Variants in RBPJ observed in about 807,000 individuals in gnomAD.
RBPJ encodes the protein recombination signal binding protein for immunoglobulin kappa J region, also known as recombining binding protein suppressor of hairless.
RBPJ carries 9 observed loss-of-function variants against 67.8 expected under a neutral mutation model. The ratio of observed to expected loss-of-function variants is 0.13; its 90% CI spans 0.08 to 0.23. The LOEUF is 0.23. RBPJ is among the 10% of genes least tolerant of loss of function. The pLI is 1.00. For synonymous variants in RBPJ, 198 were observed against 203.3 expected (o/e 0.97, Z 0.22); for missense variants, 305 against 595.6 (o/e 0.51, Z 5.08).
intron 1 of RBPJ, among the ~76,000 whole-genome samples, chr4:26,294,192 G>T (rs1363109603): frequency 6.6e-6 from 1 of 151,898 alleles, no homozygotes; most frequent in Admixed American, 6.6e-5. Context: ...CTGTCACCCG[G>T]GTTCAAGCAA....
chr4:26,412,364 T>C (rs1373796191), intron 3 of RBPJ, among the ~76,000 whole-genome samples: 1 of 152,058 alleles, frequency 6.6e-6, no homozygotes, highest in African/African-American at 2.4e-5. Flanking sequence ...CCTGAGTAAC[T>C]GGGACTACAG....
At chr4:26,226,522 G>A (rs1719081040) in intron 1 of RBPJ, among the ~76,000 whole-genome samples, 1 of 152,126 alleles carries the variant, frequency 6.6e-6, no homozygotes, top group South Asian at 2.1e-4. Context: ...TGGGGATGGG[G>A]AAGGAATTAG....
chr4:26,257,294 A>G (rs1040467540), intron 1 of RBPJ, among the ~76,000 whole-genome samples: 1 of 152,326 alleles, frequency 6.6e-6, no homozygotes, highest in Non-Finnish European at 1.5e-5. Context: ...CTATCCTATA[A>G]AGTACTATTA....
At chr4:26,237,934 C>T (rs1182752781) in intron 1 of RBPJ, among the ~76,000 whole-genome samples, 1 of 152,124 alleles carries the variant, frequency 6.6e-6, no homozygotes, top group Non-Finnish European at 1.5e-5. Context: ...GCTGATTTTG[C>T]ACTCCTGGCC....
rs1433653222 is a variant in RBPJ at position 26,431,535 on chromosome 4, C to A, written c.*528C>A. 1 of 152,488 alleles carries A rather than the reference C, an allele frequency of 6.6e-6. No homozygotes were observed. Among genetic ancestry groups the A allele is most frequent in the Non-Finnish European group, 1.5e-5 (1 of 68,330 alleles). 9.4% of individuals were successfully genotyped at this position (152,488 alleles called of 1,614,324 possible). A position where few individuals can be genotyped will look rare whatever the true frequency, so the allele number is the denominator to read the frequency against. ...TTTTGCTCTAAAATACATTCAGGTT[C>A]CAAGCCTGACCATCCTTGTTTAATC... is the stretch of plus-strand genomic sequence containing the variant. On this transcript the variant is annotated 3_prime_UTR_variant, in exon 11 of 11. Coordinates refer to ENST00000355476, the MANE Select transcript of RBPJ (RefSeq NM_015874.6).
chr4:26,292,586 A>C (rs1181328753), intron 1 of RBPJ, among the ~76,000 whole-genome samples: 1 of 149,806 alleles, frequency 6.7e-6, no homozygotes, highest in African/African-American at 2.5e-5. Flanking sequence ...GGGCTCAGCT[A>C]ACTTTTGTTA....
At position 26,432,843 on chromosome 4, in the gene RBPJ, T is replaced by C. The variant is rs1195475155; in HGVS notation, c.*1836T>C. Reference sequence around the variant, plus strand: ...TGTCCTGGGCTGTTTTGAAAAAGTTTCCATTAATAGACTTTTTAGAAATTA... The same window carrying C: ...TGTCCTGGGCTGTTTTGAAAAAGTTCCCATTAATAGACTTTTTAGAAATTA... On this transcript the variant is annotated 3_prime_UTR_variant, in exon 11 of 11. Transcript: ENST00000355476. The C allele has an allele frequency of 6.6e-6, 1 of 152,234 alleles. No homozygotes were observed. Among genetic ancestry groups the C allele is most frequent in the Non-Finnish European group, 1.5e-5 (1 of 68,044 alleles). 9.4% of individuals were successfully genotyped at this position (152,234 alleles called of 1,614,324 possible).
intron 1 of RBPJ, among the ~76,000 whole-genome samples, chr4:26,258,454 C>A (rs190513150): frequency 8.3e-4 from 126 of 152,294 alleles, no homozygotes; most frequent in African/African-American, 2.8e-3. Context: ...TCTCATCAGT[C>A]CATCTCAAAG....
intron 1 of RBPJ, among the ~76,000 whole-genome samples, chr4:26,230,989 C>G (rs1177161087): frequency 6.6e-6 from 1 of 152,198 alleles, no homozygotes; most frequent in Non-Finnish European, 1.5e-5. Flanking sequence ...CCCAGGCTCT[C>G]TGACAACATC....
At chr4:26,198,790 G>A (rs548328716) in intron 1 of RBPJ, among the ~76,000 whole-genome samples, 1 of 152,206 alleles carries the variant, frequency 6.6e-6, no homozygotes, top group Non-Finnish European at 1.5e-5. Context: ...AGGGATGCTT[G>A]AGAAGTATTT....
At chr4:26,227,119 C>A (rs1396061248) in intron 1 of RBPJ, among the ~76,000 whole-genome samples, 1 of 152,216 alleles carries the variant, frequency 6.6e-6, no homozygotes, top group African/African-American at 2.4e-5. Context: ...AAACGCTTCA[C>A]TGGAGTCGTC....
chr4:26,205,122 A>C (rs1718125382), intron 1 of RBPJ, among the ~76,000 whole-genome samples: 1 of 152,212 alleles, frequency 6.6e-6, no homozygotes, highest in African/African-American at 2.4e-5. Flanking sequence ...CACCAGGAGC[A>C]CAGGAAGAGG....
the RBPJ span, among the ~76,000 whole-genome samples, chr4:26,152,125 A>G: frequency 4.6e-5 from 7 of 152,354 alleles, no homozygotes; most frequent in South Asian, 1.2e-3. Flanking sequence ...CAAATTATAC[A>G]CTATGATAAA....
At chr4:26,119,596 T>C in the RBPJ span, among the ~76,000 whole-genome samples, 1 of 152,210 alleles carries the variant, frequency 6.6e-6, no homozygotes, top group African/African-American at 2.4e-5. Context: ...TTCCTTTCTA[T>C]CCACATTCTA....
At chr4:26,109,579 C>CTA in the RBPJ span, among the ~76,000 whole-genome samples, 14 of 29,388 alleles carry the variant, frequency 4.8e-4, no homozygotes, top group African/African-American at 2.1e-3. Flanking sequence ...CTCTCTCTCT[C>CTA]TATATATATA....
intron 3 of RBPJ, among the ~76,000 whole-genome samples, chr4:26,407,879 C>CTTTTTTTT (rs1312594555): frequency 1.3e-5 from 1 of 78,830 alleles, no homozygotes; most frequent in African/African-American, 5.2e-5. Context: ...GTAAAGCTTT[C>CTTTTTTTT]TTTCTTTTTT....
At chr4:26,348,641 T>G (rs1726439496) in intron 1 of RBPJ, among the ~76,000 whole-genome samples, 1 of 152,204 alleles carries the variant, frequency 6.6e-6, no homozygotes, top group South Asian at 2.1e-4. Context: ...TTGATAAAGT[T>G]GAGGTAAGCA....
the RBPJ span, among the ~76,000 whole-genome samples, chr4:26,155,119 A>G: frequency 3.3e-5 from 5 of 152,230 alleles, no homozygotes; most frequent in East Asian, 9.6e-4. Context: ...CCTAGCAAAC[A>G]TATGGATCAC....
intron 1 of RBPJ, among the ~76,000 whole-genome samples, chr4:26,199,763 C>G (rs1717915655): frequency 1.3e-5 from 2 of 152,190 alleles, no homozygotes; most frequent in Non-Finnish European, 2.9e-5. Flanking sequence ...TGGAATCAGA[C>G]AGTGATGTTG....
Sources: gnomAD v4.1 joint callset for allele counts (sites outside exome capture counted in the v4.1 genomes callset) on GRCh38, gnomAD v4.1.1 for gene constraint, MANE v1.5 for transcripts, NCBI Gene and HGNC (gene_info 2026-07-23, HGNC 2026-07-21) for gene names.